Variants in TYW1B observed in about 807,000 individuals in gnomAD.
TYW1B encodes the protein tRNA-yW synthesizing protein 1 homolog B, also known as S-adenosyl-L-methionine-dependent tRNA 4-demethylwyosine synthase TYW1B.
A neutral mutation model predicts 86.9 loss-of-function variants in TYW1B; 73 were observed. The ratio of observed to expected loss-of-function variants is 0.84; its 90% CI spans 0.70 to 1.02. The LOEUF (loss-of-function observed/expected upper bound fraction) is 1.02, where lower values mean the gene tolerates loss of function less well. TYW1B is among the 50% of genes least tolerant of loss of function. The pLI is 0.00. For missense variants in TYW1B, 637 were observed against 827.4 expected, an observed-to-expected ratio of 0.77 and a Z score of 2.82; for synonymous variants, 248 against 292.8, an observed-to-expected ratio of 0.85 and a Z score of 1.56.
chr7:72,586,679 G>T (rs1337034749), intron 13 of TYW1B, among the ~76,000 whole-genome samples: 1 of 152,124 alleles, frequency 6.6e-6, no homozygotes, highest in Non-Finnish European at 1.5e-5. Context: ...GGAGGTTGCT[G>T]TGAGCAGAGA....
At chr7:72,582,709 G>A (rs1261993285) in intron 13 of TYW1B, among the ~76,000 whole-genome samples, 4 of 152,150 alleles carry the variant, frequency 2.6e-5, no homozygotes, top group African/African-American at 9.7e-5. Context: ...GGGTAAGTAA[G>A]TGTCCTGCAG....
chr7:72,758,569 G>T (rs1270315364), intron 7 of TYW1B, among the ~76,000 whole-genome samples: 2 of 152,028 alleles, frequency 1.3e-5, no homozygotes, highest in Non-Finnish European at 2.9e-5. Flanking sequence ...TGGCACCACT[G>T]CAGTACTCAC....
chr7:72,617,938 A>G (rs1812117202), intron 12 of TYW1B, among the ~76,000 whole-genome samples: 1 of 152,144 alleles, frequency 6.6e-6, no homozygotes, highest in Non-Finnish European at 1.5e-5. Context: ...ACATAATGGT[A>G]AAATGATTAA....
intron 8 of TYW1B, among the ~76,000 whole-genome samples, chr7:72,729,638 G>A (rs1333029451): frequency 1.3e-5 from 2 of 151,966 alleles, no homozygotes; most frequent in East Asian, 3.9e-4. Flanking sequence ...AGTACAGCAA[G>A]GAGACCACCC....
chr7:72,606,610 C>T (rs1238643313), intron 13 of TYW1B, among the ~76,000 whole-genome samples: 2 of 58,934 alleles, frequency 3.4e-5, no homozygotes, highest in Admixed American at 1.5e-4. Context: ...CAATAAGGCC[C>T]CCCCCCCGCC....
chr7:72,782,797 A>C (rs1424270468), intron 6 of TYW1B, among the ~76,000 whole-genome samples: 1 of 152,150 alleles, frequency 6.6e-6, no homozygotes, highest in African/African-American at 2.4e-5. Context: ...GAATCACTTG[A>C]ATCCAGGAGG....
chr7:72,619,047 A>G (rs1334483120), intron 12 of TYW1B, among the ~76,000 whole-genome samples: 1 of 152,156 alleles, frequency 6.6e-6, no homozygotes, highest in Non-Finnish European at 1.5e-5. Context: ...AGGATGATCA[A>G]ACAGACAACT....
intron 13 of TYW1B, among the ~76,000 whole-genome samples, chr7:72,589,045 T>A (rs1811338310): frequency 6.6e-6 from 1 of 152,170 alleles, no homozygotes; most frequent in South Asian, 2.1e-4. Context: ...ACCCCTGACC[T>A]CAGGTGATCC....
At chr7:72,767,587 G>T (rs1390791576) in intron 7 of TYW1B, among the ~76,000 whole-genome samples, 6 of 151,918 alleles carry the variant, frequency 3.9e-5, no homozygotes, top group African/African-American at 1.5e-4. Flanking sequence ...TCCAGCCTGG[G>T]TGACAGAGCA....
At chr7:72,600,673 C>A (rs1214310913) in intron 13 of TYW1B, among the ~76,000 whole-genome samples, 1 of 152,142 alleles carries the variant, frequency 6.6e-6, no homozygotes, top group Non-Finnish European at 1.5e-5. Flanking sequence ...AACCAACTAC[C>A]AGCCTAGGCA....
chr7:72,820,979 G>T (rs1358890430), intron 2 of TYW1B, among the ~76,000 whole-genome samples: 3 of 152,006 alleles, frequency 2.0e-5, no homozygotes, highest in African/African-American at 7.2e-5. Context: ...GATTTTTTTT[G>T]TTGTTGTTGT....
intron 11 of TYW1B, among the ~76,000 whole-genome samples, chr7:72,652,346 C>A (rs1390853359): frequency 7.4e-6 from 1 of 135,870 alleles, no homozygotes; most frequent in African/African-American, 2.7e-5. Flanking sequence ...CCACTGCACT[C>A]CAGCCTGGGC....
At chr7:72,666,798 G>A (rs1277032176) in intron 11 of TYW1B, among the ~76,000 whole-genome samples, 8 of 151,922 alleles carry the variant, frequency 5.3e-5, no homozygotes, top group East Asian at 1.9e-4. Flanking sequence ...TTGGGAGACC[G>A]AGGCGGGTGG....
chr7:72,782,001 T>C (rs1275785513), intron 6 of TYW1B, among the ~76,000 whole-genome samples: 1 of 152,194 alleles, frequency 6.6e-6, no homozygotes, highest in African/African-American at 2.4e-5. Context: ...CATATAATAC[T>C]GGTTGGGTGC....
intron 8 of TYW1B, among the ~76,000 whole-genome samples, chr7:72,737,647 TG>T: frequency 6.6e-6 from 1 of 152,280 alleles, no homozygotes; most frequent in Non-Finnish European, 1.5e-5. Flanking sequence ...AACCTCAGTA[TG>T]ATGTGATCCC....
chr7:72,723,907 T>C (rs1441331558), intron 9 of TYW1B, among the ~76,000 whole-genome samples: 1 of 151,466 alleles, frequency 6.6e-6, no homozygotes, highest in East Asian at 1.9e-4. Flanking sequence ...TTTTTTTCTT[T>C]GAAGTGTTAC....
intron 11 of TYW1B, among the ~76,000 whole-genome samples, chr7:72,631,267 C>T (rs1812481906): frequency 6.6e-6 from 1 of 152,144 alleles, no homozygotes. Context: ...AATCCCAGCA[C>T]TTTGGGAGGC....
At chr7:72,605,043 A>G (rs1481716790) in intron 13 of TYW1B, among the ~76,000 whole-genome samples, 1 of 152,216 alleles carries the variant, frequency 6.6e-6, no homozygotes, top group Non-Finnish European at 1.5e-5. Flanking sequence ...AGACTCTGAC[A>G]TTATATCTAC....
At chr7:72,671,302 G>T (rs1434373483) in intron 11 of TYW1B, among the ~76,000 whole-genome samples, 8 of 152,096 alleles carry the variant, frequency 5.3e-5, no homozygotes, top group Non-Finnish European at 7.4e-5. Flanking sequence ...ACAGCCAAAG[G>T]TCTCCCTCCA....
Sources: allele counts gnomAD v4.1 joint callset (sites outside exome capture counted in the v4.1 genomes callset), GRCh38; gene constraint gnomAD v4.1.1; transcripts MANE v1.5; gene names NCBI Gene and HGNC (gene_info 2026-07-23, HGNC 2026-07-21).